Variants in RANBP2 observed in about 807,000 individuals in gnomAD.
RANBP2 encodes RAN binding protein 2, also known as E3 SUMO-protein ligase RanBP2.
RANBP2 carries 57 observed loss-of-function variants against 303.6 expected under a neutral mutation model. The observed-to-expected ratio is 0.19, with a 90% CI of 0.15 to 0.23. RANBP2 has a LOEUF of 0.23. Among genes scored for constraint, RANBP2 ranks in the 10% least tolerant of loss-of-function variants. The pLI is 1.00. For missense variants in RANBP2, 3,138 were observed against 3,780.8 expected, an observed-to-expected ratio of 0.83 and a Z score of 4.46; for synonymous variants, 1,167 against 1,301.5, an observed-to-expected ratio of 0.90 and a Z score of 2.23.
chr2:109,341,334 C>T, the RANBP2 span, among the ~76,000 whole-genome samples: 1 of 152,190 alleles, frequency 6.6e-6, no homozygotes, highest in Non-Finnish European at 1.5e-5. Flanking sequence ...AGATGGGATA[C>T]ACTCTGGTAA....
At chr2:109,393,247 C>T in the RANBP2 span, among the ~76,000 whole-genome samples, 5 of 152,358 alleles carry the variant, frequency 3.3e-5, no homozygotes, top group Middle Eastern at 0.014. Flanking sequence ...CCACAGGAGT[C>T]TCTGGAACAT....
the RANBP2 span, among the ~76,000 whole-genome samples, chr2:109,179,675 C>G: frequency 6.6e-6 from 1 of 152,092 alleles, no homozygotes; most frequent in South Asian, 2.1e-4. Context: ...TCTTCCTGTT[C>G]TTCTAAAGCC....
chr2:109,034,670 A>G, the RANBP2 span, among the ~76,000 whole-genome samples: 1 of 152,210 alleles, frequency 6.6e-6, no homozygotes, highest in African/African-American at 2.4e-5. Context: ...CTGTACTCCT[A>G]GATTCATTGC....
At chr2:109,477,580 C>T in the RANBP2 span, among the ~76,000 whole-genome samples, 1 of 151,854 alleles carries the variant, frequency 6.6e-6, no homozygotes, top group Admixed American at 6.6e-5. Context: ...CTGTTGTAGT[C>T]CCTTGAGTTG....
the RANBP2 span, among the ~76,000 whole-genome samples, chr2:109,466,931 ATGTATGTGTGTG>A: frequency 6.6e-6 from 1 of 151,230 alleles, no homozygotes; most frequent in Admixed American, 6.6e-5. Flanking sequence ...GTATGTATGC[ATGTATGTGTGTG>A]TCTATATATC....
At chr2:109,145,599 C>T in the RANBP2 span, among the ~76,000 whole-genome samples, 6 of 152,222 alleles carry the variant, frequency 3.9e-5, no homozygotes, top group East Asian at 1.9e-4. Context: ...CATGGTCGAG[C>T]GACCTTTGGC....
chr2:108,820,038 AT>A, the RANBP2 span, among the ~76,000 whole-genome samples: 1 of 152,232 alleles, frequency 6.6e-6, no homozygotes, highest in South Asian at 2.1e-4. Context: ...GAAAAATACA[AT>A]ATCTGAACTA....
At chr2:109,735,265 TC>T in the RANBP2 span, among the ~76,000 whole-genome samples, 1 of 152,350 alleles carries the variant, frequency 6.6e-6, no homozygotes, top group Non-Finnish European at 1.5e-5. Flanking sequence ...GTGGTATTTA[TC>T]TTTCTGTGCC....
At chr2:109,058,646 T>G in the RANBP2 span, among the ~76,000 whole-genome samples, 8 of 152,238 alleles carry the variant, frequency 5.3e-5, no homozygotes, top group Non-Finnish European at 1.2e-4. Context: ...TGCAGCTGAC[T>G]TGTCAGTAAG....
chr2:109,294,591 A>T, the RANBP2 span, among the ~76,000 whole-genome samples: 1 of 50,550 alleles, frequency 2.0e-5, no homozygotes, highest in East Asian at 5.4e-4. Flanking sequence ...AAAAAAGGTA[A>T]AAAAAAAAAA....
the RANBP2 span, among the ~76,000 whole-genome samples, chr2:109,043,429 G>A: frequency 4.0e-5 from 6 of 151,828 alleles, no homozygotes; most frequent in African/African-American, 7.2e-5. Context: ...TGCAACCTCC[G>A]CCTCCCAGGA....
chr2:109,407,200 G>C, the RANBP2 span, among the ~76,000 whole-genome samples: 3 of 152,200 alleles, frequency 2.0e-5, no homozygotes, highest in Non-Finnish European at 4.4e-5. Flanking sequence ...CAGCTTCTCT[G>C]TTCTGGAGAG....
chr2:108,735,564 A>T lies in RANBP2; in HGVS notation c.438A>T (p.Gly146=), dbSNP rs1186309611. 3 of 1,597,462 alleles carry T rather than the reference A, an allele frequency of 1.9e-6. No individual in the cohort carries two copies. The highest frequency in any genetic ancestry group is 2.5e-6 in the Non-Finnish European group (3 of 1,179,794). The part of the protein sequence containing the change: ...EQLLDCEGED[G]WNKLFDLIQS... ...TTCTAGATTGTGAAGGTGAAGATGG[A>T]TGGAATAAACTTTTTGACTTGATTC... The change falls in exon 5 of 29, where the codon GGA becomes GGT. Residue 146 remains glycine (G), a synonymous_variant. Coordinates refer to ENST00000283195, the MANE Select transcript of RANBP2 (RefSeq NM_006267.5).
At chr2:108,913,047 G>C in the RANBP2 span, among the ~76,000 whole-genome samples, 3 of 150,154 alleles carry the variant, frequency 2.0e-5, no homozygotes, top group Non-Finnish European at 4.4e-5. Flanking sequence ...CTCCCTGGTT[G>C]ACGCCATTCT....
chr2:109,429,788 T>A, the RANBP2 span, among the ~76,000 whole-genome samples: 1 of 152,216 alleles, frequency 6.6e-6, no homozygotes, highest in East Asian at 1.9e-4. Flanking sequence ...CAGACAGCCC[T>A]GGGGAGGAAG....
chr2:108,837,436 T>A, the RANBP2 span, among the ~76,000 whole-genome samples: 2 of 152,192 alleles, frequency 1.3e-5, no homozygotes, highest in Non-Finnish European at 2.9e-5. Flanking sequence ...CACTGTATAA[T>A]GATGTTTAAG....
the RANBP2 span, among the ~76,000 whole-genome samples, chr2:109,087,923 G>A: frequency 3.9e-5 from 6 of 152,128 alleles, no homozygotes; most frequent in Non-Finnish European, 8.8e-5. Context: ...TGTGAATTCC[G>A]GCTCCCCCAT....
the RANBP2 span, among the ~76,000 whole-genome samples, chr2:109,632,818 C>CAAAAAA: frequency 7.0e-6 from 1 of 143,136 alleles, no homozygotes; most frequent in Admixed American, 7.0e-5. Context: ...GACTCTGTCT[C>CAAAAAA]AAAAAAAAAA....
At chr2:109,151,854 A>G in the RANBP2 span, among the ~76,000 whole-genome samples, 4 of 152,258 alleles carry the variant, frequency 2.6e-5, no homozygotes, top group South Asian at 6.2e-4. Flanking sequence ...GACATTTCCT[A>G]TGATTTCCGA....
Sources: allele counts gnomAD v4.1 joint callset (sites outside exome capture counted in the v4.1 genomes callset), GRCh38; gene constraint gnomAD v4.1.1; transcripts MANE v1.5; gene names NCBI Gene and HGNC (gene_info 2026-07-23, HGNC 2026-07-21).